SRBD1: variants seen among roughly 807,000 people sequenced by gnomAD.
SRBD1 encodes the protein S1 RNA-binding domain-containing protein 1.
A neutral mutation model predicts 115.3 loss-of-function variants in SRBD1; 88 were observed. The observed-to-expected ratio is 0.76, with a 90% CI of 0.64 to 0.91. The LOEUF is 0.91. Among genes scored for constraint, SRBD1 ranks in the 40% least tolerant of loss-of-function variants. The probability of loss-of-function intolerance (pLI) is 0.00; values close to 1 mark genes in which losing one functional copy is unlikely to be tolerated. For synonymous variants in SRBD1, 509 were observed against 407.7 expected, an observed-to-expected ratio of 1.25 and a Z score of -2.99; for missense variants, 1,385 against 1,177.4, an observed-to-expected ratio of 1.18 and a Z score of -2.58.
chr2:45,485,507 T>A (rs1457284928), intron 15 of SRBD1, among the ~76,000 whole-genome samples: 2 of 152,262 alleles, frequency 1.3e-5, no homozygotes, highest in Middle Eastern at 6.8e-3. Context: ...CCACTTTAAA[T>A]CCATAATAGA....
rs146669418 is a variant in SRBD1 at position 45,428,076 on chromosome 2, C to G, written c.2050-8182G>C. On this transcript the variant is annotated intron_variant, in intron 16 of 20. Transcript: ENST00000263736. ...TTCTCAGCACCACATCGCACTTATT[C>G]TAAAATTGACCACATAGTTGGAAGT... Among the ~76,000 whole-genome samples the G allele has an allele frequency of 5.3e-5, 8 of 152,282 alleles. No homozygotes were observed. The East Asian group carries it at 1.5e-3, about 29-fold the overall frequency.
chr2:45,602,841 T>G (rs1407697388), intron 2 of SRBD1, among the ~76,000 whole-genome samples: 1 of 152,072 alleles, frequency 6.6e-6, no homozygotes, highest in Non-Finnish European at 1.5e-5. Flanking sequence ...GAAGTCTGGG[T>G]TTTTTAATGT....
chr2:45,488,749 G>A (rs1670199671), intron 14 of SRBD1, among the ~76,000 whole-genome samples: 1 of 151,790 alleles, frequency 6.6e-6, no homozygotes, highest in Admixed American at 6.6e-5. Flanking sequence ...AAGGCACCTT[G>A]AAAAGCATAT....
At position 45,602,073 on chromosome 2, in the gene SRBD1, A is replaced by T. The variant is rs371202672; in HGVS notation, c.91T>A (p.Ser31Thr). ...FSSFSELSSA[S>T]EEDDKEDSAW... ...CTATCTTCCTTGTCATCTTCTTCAG[A>T]GGCAGATGATCTAGAAGTAAATCAA... Residue 31 changes from serine to threonine, a missense_variant, in exon 3 of 21, where the codon TCT becomes ACT. Ser to Thr is a moderately conservative substitution (Grantham distance 58, BLOSUM62 1). Transcript: ENST00000263736. 6.2e-7 allele frequency: 1 copy of T among 1,613,460 alleles called. No homozygotes were observed. The highest frequency in any genetic ancestry group is 8.5e-7 in the Non-Finnish European group (1 of 1,179,742).
In SRBD1 at chr2:45,495,061, G is replaced by A. The variant is rs370130354; in HGVS notation, c.1875-6730C>T. ...GAAAATAAAAAGTCTACCAACCAGA[G>A]GATCTAAGTATACTCCAGGATGGAC... On this transcript the variant is annotated intron_variant, in intron 14 of 20. Coordinates refer to ENST00000263736, the MANE Select transcript of SRBD1 (RefSeq NM_018079.5). 6.6e-5 allele frequency among the ~76,000 whole-genome samples: 10 copies of A among 152,180 alleles called. No homozygotes were observed. The East Asian group carries it at 7.7e-4, about 12-fold the overall frequency.
chr2:45,453,598 T>TG (rs1669062694), intron 16 of SRBD1, among the ~76,000 whole-genome samples: 1 of 151,918 alleles, frequency 6.6e-6, no homozygotes, highest in African/African-American at 2.4e-5. Flanking sequence ...TTCCTATAAA[T>TG]TTGGTAAATA....
intron 16 of SRBD1, among the ~76,000 whole-genome samples, chr2:45,476,356 TC>T (rs1223425493): frequency 1.3e-5 from 2 of 152,134 alleles, no homozygotes; most frequent in African/African-American, 2.4e-5. Context: ...ATCATTCAAA[TC>T]CCATAAAAAT....
At chr2:45,572,253 A>C (rs1369354290) in intron 9 of SRBD1, among the ~76,000 whole-genome samples, 1 of 152,130 alleles carries the variant, frequency 6.6e-6, no homozygotes, top group African/African-American at 2.4e-5. Flanking sequence ...AAAATTAAAA[A>C]CCATCAACCA....
At chr2:45,409,449 A>G (rs1667531282) in intron 19 of SRBD1, among the ~76,000 whole-genome samples, 1 of 151,524 alleles carries the variant, frequency 6.6e-6, no homozygotes, top group African/African-American at 2.4e-5. Flanking sequence ...TGAGAACAAG[A>G]CAAGGATATC....
chr2:45,405,905 TAGA>T (rs1200521038), intron 19 of SRBD1, among the ~76,000 whole-genome samples: 2 of 152,032 alleles, frequency 1.3e-5, no homozygotes, highest in African/African-American at 4.8e-5. Context: ...AGTGATGGGT[TAGA>T]AGGTCTAAGG....
At chr2:45,418,678 AAAAAAAAAAC>A in intron 17 of SRBD1, 137 bp from the exon 18 acceptor site, 1 of 550,380 alleles carries the variant, frequency 1.8e-6, no homozygotes, top group Non-Finnish European at 2.4e-6. Context: ...AGGGAGTTTA[AAAAAAAAAAC>A]AAAAAAAAAA....
intron 14 of SRBD1, among the ~76,000 whole-genome samples, chr2:45,520,443 G>A (rs1671247089): frequency 1.3e-5 from 2 of 152,310 alleles, no homozygotes; most frequent in South Asian, 4.1e-4. Flanking sequence ...CCCTGAATTT[G>A]CTACAGACAG....
intron 14 of SRBD1, among the ~76,000 whole-genome samples, chr2:45,541,122 G>A (rs572240310): frequency 6.6e-6 from 1 of 152,334 alleles, no homozygotes; most frequent in East Asian, 1.9e-4. Context: ...GTGAGCACAG[G>A]GTCCGGCCAC....
At chr2:45,453,964 A>T (rs1669075425) in intron 16 of SRBD1, among the ~76,000 whole-genome samples, 1 of 151,944 alleles carries the variant, frequency 6.6e-6, no homozygotes, top group African/African-American at 2.4e-5. Flanking sequence ...AACCTATCAA[A>T]ATGTGAGTAT....
intron 18 of SRBD1, among the ~76,000 whole-genome samples, chr2:45,415,675 AGGGGAGGGGACG>A (rs1558564874): frequency 2.8e-4 from 11 of 38,896 alleles, no homozygotes; most frequent in African/African-American, 5.6e-4. Context: ...AGGGGAGGGG[AGGGGAGGGGACG>A]GGAGAGGAGA....
At chr2:45,418,621 C>T (rs1213768824) in intron 17 of SRBD1, 80 bp from the exon 18 acceptor site, 37 of 1,243,922 alleles carry the variant, frequency 3.0e-5, no homozygotes, top group Middle Eastern at 3.1e-4. Context: ...ATCATAAAAA[C>T]GACTGCAATG....
intron 14 of SRBD1, among the ~76,000 whole-genome samples, chr2:45,511,026 G>C (rs1180247892): frequency 6.6e-6 from 1 of 152,202 alleles, no homozygotes; most frequent in African/African-American, 2.4e-5. Flanking sequence ...ATATCCATGA[G>C]TATTGCGAAC....
In SRBD1 at chr2:45,465,508, T is replaced by A. The variant is rs145468621; in HGVS notation, c.2049+11485A>T. ...CTGCAAGAAAACACCATGGTCCCTG[T>A]CTGGACAAAAAACTGAACAGATTCT... On this transcript the variant is annotated intron_variant, in intron 16 of 20. Coordinates refer to ENST00000263736, the MANE Select transcript of SRBD1 (RefSeq NM_018079.5). Among the ~76,000 whole-genome samples, 731 of 152,254 alleles carry A rather than the reference T, an allele frequency of 4.8e-3. 3 individuals carry two copies. The highest frequency in any genetic ancestry group is 9.0e-3 in the Admixed American group (137 of 15,302).
rs541517709 is a variant in SRBD1, at chr2:45,562,849, C to G, written c.1306-93G>C. 76 of 740,558 alleles carry G rather than the reference C, an allele frequency of 1.0e-4. 1 individual carries two copies. In the South Asian group the frequency reaches 1.6e-3, roughly 15 times the overall value. The allele number at this position is 740,558 out of a possible 1,614,324, so 45.9% of individuals were successfully genotyped here. On this transcript the variant is annotated intron_variant, in intron 9 of 20. Transcript: ENST00000263736. The stretch of plus-strand genomic sequence containing the variant: ...AGCTGACAGCTATATGAATTTTTTA[C>G]TCGTTTATTAAACAAGAATACATTT...
Sources: allele counts gnomAD v4.1 joint callset (sites outside exome capture counted in the v4.1 genomes callset), GRCh38; gene constraint gnomAD v4.1.1; transcripts MANE v1.5; gene names NCBI Gene and HGNC (gene_info 2026-07-23, HGNC 2026-07-21).